The following ARHGAP44 variants were observed in gnomAD, a reference collection of about 807,000 sequenced individuals.
The protein encoded by ARHGAP44 is Rho GTPase activating protein 44, also known as rho GTPase-activating protein 44.
Under a neutral mutation model 106.8 loss-of-function variants are expected in ARHGAP44, and 43 were observed. The observed-to-expected ratio is 0.40, with a 90% confidence interval of 0.32 to 0.52. ARHGAP44 has a LOEUF of 0.52. Among genes scored for constraint, ARHGAP44 ranks in the 20% least tolerant of loss-of-function variants. The pLI is 0.48. For missense variants in ARHGAP44, 866 were observed against 1,050.5 expected (o/e 0.82, Z 2.43); for synonymous variants, 439 against 410.3 (o/e 1.07, Z -0.85).
chr17:12,976,341 G>A lies in ARHGAP44; in HGVS notation c.1763+2031G>A, dbSNP rs1035467065. Among the ~76,000 whole-genome samples, 5 of 151,990 alleles carry A rather than the reference G, an allele frequency of 3.3e-5. No homozygotes were observed. The East Asian group carries it at 7.8e-4, about 24-fold the overall frequency. On this transcript the variant is annotated intron_variant, in intron 18 of 20. Coordinates refer to ENST00000379672, the MANE Select transcript of ARHGAP44 (RefSeq NM_014859.6). ...AAAAAGTATTTTCACGGCCGGGCAC[G>A]GTGGCTCACACCTGTAATCCCAGCA...
At chr17:12,876,909 CAAAAA>C (rs59331390) in intron 1 of ARHGAP44, among the ~76,000 whole-genome samples, 1 of 90,694 alleles carries the variant, frequency 1.1e-5, no homozygotes. Context: ...GACTCCGTCT[CAAAAA>C]AAAAAAAAAA....
At chr17:12,909,317 A>G (rs188303350) in intron 4 of ARHGAP44, among the ~76,000 whole-genome samples, 3 of 152,342 alleles carry the variant, frequency 2.0e-5, no homozygotes, top group Admixed American at 6.5e-5. Flanking sequence ...ACAACAAAAC[A>G]AACTGAAAAT....
At chr17:12,965,113 C>T (rs1364141846) in intron 16 of ARHGAP44, among the ~76,000 whole-genome samples, 1 of 152,164 alleles carries the variant, frequency 6.6e-6, no homozygotes, top group Admixed American at 6.5e-5. Context: ...GATGTCAAGG[C>T]CCTGACAGCA....
At chr17:12,821,256 GTTGTC>G (rs1224967351) in intron 1 of ARHGAP44, among the ~76,000 whole-genome samples, 12 of 152,148 alleles carry the variant, frequency 7.9e-5, no homozygotes, top group Admixed American at 3.3e-4. Flanking sequence ...TAAGGGATGT[GTTGTC>G]TTCAGGTGTT....
In ARHGAP44 at chr17:12,958,852, G is replaced by T; in HGVS notation, c.1478G>T (p.Ser493Ile). Residue 493 changes from serine (S) to isoleucine (I), a missense_variant, in exon 16 of 21, where the codon AGC (serine) becomes ATC (isoleucine). By Grantham distance (142) the Ser-to-Ile change is moderately radical (BLOSUM62 -2). Around this residue, in one of 2 missense-constraint regions of ARHGAP44, gnomAD observed 448 missense variants for 646.9 expected, o/e 0.69. Coordinates refer to ENST00000379672, the MANE Select transcript of ARHGAP44 (RefSeq NM_014859.6). The surrounding 1 kb of genome is among the most constrained non-coding windows in gnomAD (Gnocchi z 4.1). Reference sequence around the variant, plus strand: ...CCCGAGCAGGCCCGCCGGCCCCTCAGCGTCGCCACGGATAATATGATGCTG... The same window carrying T: ...CCCGAGCAGGCCCGCCGGCCCCTCATCGTCGCCACGGATAATATGATGCTG... ...RQPEQARRPL[S>I]VATDNMMLEF... The T allele has an allele frequency of 6.2e-7, 1 of 1,611,994 alleles. No homozygotes were observed. Among genetic ancestry groups the T allele is most frequent in the Non-Finnish European group, 8.5e-7 (1 of 1,179,078 alleles).
At chr17:12,845,645 C>T (rs1351935391) in intron 1 of ARHGAP44, among the ~76,000 whole-genome samples, 1 of 152,090 alleles carries the variant, frequency 6.6e-6, no homozygotes, top group Non-Finnish European at 1.5e-5. Context: ...CTCTTGGTTT[C>T]TATTAACTAA....
intron 1 of ARHGAP44, among the ~76,000 whole-genome samples, chr17:12,885,788 TTCTC>T (rs1271816480): frequency 2.0e-5 from 3 of 152,186 alleles, no homozygotes; most frequent in Non-Finnish European, 4.4e-5. Context: ...TACAAATAAT[TTCTC>T]TCTTTTTCTG....
At chr17:12,879,112 A>G (rs1230920989) in intron 1 of ARHGAP44, among the ~76,000 whole-genome samples, 1 of 152,108 alleles carries the variant, frequency 6.6e-6, no homozygotes, top group Non-Finnish European at 1.5e-5. Context: ...CCCAATGTGT[A>G]GTCTTTTATT....
At chr17:12,867,469 G>T (rs1014617851) in intron 1 of ARHGAP44, among the ~76,000 whole-genome samples, 1 of 152,090 alleles carries the variant, frequency 6.6e-6, no homozygotes, top group East Asian at 1.9e-4. Flanking sequence ...TACAGGAAGC[G>T]GGGCAGGCTT....
intron 1 of ARHGAP44, among the ~76,000 whole-genome samples, chr17:12,892,875 T>C (rs986797545): frequency 1.3e-5 from 2 of 152,138 alleles, no homozygotes; most frequent in African/African-American, 4.8e-5. Context: ...ATTTTCTTTC[T>C]GAGACTTCCT....
chr17:12,841,594 TCACACACACACA>T (rs545804542), intron 1 of ARHGAP44, among the ~76,000 whole-genome samples: 14 of 126,512 alleles, frequency 1.1e-4, no homozygotes, highest in South Asian at 2.7e-4. Context: ...TGTCTCTCTC[TCACACACACACA>T]CACACACACA....
chr17:12,940,565 A>C (rs2038679070), intron 7 of ARHGAP44, among the ~76,000 whole-genome samples: 1 of 152,212 alleles, frequency 6.6e-6, no homozygotes, highest in South Asian at 2.1e-4. Flanking sequence ...GTCTTATCCA[A>C]GCTTCCTCCA....
In ARHGAP44 at chr17:12,874,959, C is replaced by T. The variant is rs369426452; in HGVS notation, c.54-19981C>T. Among the ~76,000 whole-genome samples, 71 of 13,088 alleles carry T rather than the reference C, an allele frequency of 5.4e-3. 1 individual carries two copies. Among genetic ancestry groups the T allele is most frequent in the Admixed American group, 0.029 (27 of 916 alleles). The allele number at this position is 13,088 out of a possible 152,430, so 8.6% of individuals were successfully genotyped here. A position where few individuals can be genotyped will look rare whatever the true frequency, so the allele number is the denominator to read the frequency against. On this transcript the variant is annotated intron_variant, in intron 1 of 20. Transcript: ENST00000379672. ...GGACAGAATGGGGGTCAGGAGATGG[C>T]GGGGTGGGGGTGGGATGGAAAATGG...
chr17:12,918,460 G>A (rs376839111), intron 5 of ARHGAP44, among the ~76,000 whole-genome samples: 1 of 151,924 alleles, frequency 6.6e-6, no homozygotes, highest in South Asian at 2.1e-4. Context: ...TGCTGGGCCC[G>A]GAACCAAAAT....
At chr17:12,974,845 T>C (rs1485926481) in intron 18 of ARHGAP44, among the ~76,000 whole-genome samples, 1 of 133,856 alleles carries the variant, frequency 7.5e-6, no homozygotes. Flanking sequence ...GAATGTGGTG[T>C]CTCTCAATTT....
Position 12,949,194 on chromosome 17 carries a change from C to T in ARHGAP44, c.916C>T (p.Leu306=). Residue 306 remains leucine, a synonymous_variant, in exon 11 of 21, where the codon CTG becomes TTG. Transcript: ENST00000379672. The surrounding 1 kb of genome is among the most constrained non-coding windows in gnomAD (Gnocchi z 4.1). ...CAAACTGAAGAAGCTGAAAGCGGCC[C>T]TGGACTGCTGCGTGGTGGATGTGCA... ...ASKLKKLKAA[L]DCCVVDVQEY... The T allele has an allele frequency of 1.3e-6, 2 of 1,582,730 alleles. No homozygotes were observed. The highest frequency in any genetic ancestry group is 1.7e-6 in the Non-Finnish European group (2 of 1,164,578).
At chr17:12,813,936 G>A (rs2034515548) in intron 1 of ARHGAP44, among the ~76,000 whole-genome samples, 1 of 152,048 alleles carries the variant, frequency 6.6e-6, no homozygotes, top group Admixed American at 6.6e-5. Flanking sequence ...TGCCCCCTTC[G>A]ACCTCACCTT....
intron 6 of ARHGAP44, among the ~76,000 whole-genome samples, chr17:12,922,967 A>G (rs941003399): frequency 6.6e-6 from 1 of 152,182 alleles, no homozygotes; most frequent in African/African-American, 2.4e-5. Flanking sequence ...TTATATCTTC[A>G]GCTTATCATC....
At chr17:12,828,622 A>AT (rs201560442) in intron 1 of ARHGAP44, among the ~76,000 whole-genome samples, 13 of 115,864 alleles carry the variant, frequency 1.1e-4, no homozygotes, top group Admixed American at 5.9e-4. Context: ...TTTCTTTTGG[A>AT]TTTTTTTTTC....
Sources: allele counts gnomAD v4.1 joint callset (sites outside exome capture counted in the v4.1 genomes callset), GRCh38; gene constraint gnomAD v4.1.1; regional missense constraint gnomAD v4.1.1; non-coding constraint Gnocchi (gnomAD v3.1); transcripts MANE v1.5; gene names NCBI Gene and HGNC (gene_info 2026-07-23, HGNC 2026-07-21).